Variants in CRYBG3 observed in about 807,000 individuals in gnomAD.
CRYBG3 encodes the protein crystallin beta-gamma domain containing 3.
A neutral mutation model predicts 244.2 loss-of-function variants in CRYBG3; 127 were observed. That is an observed-to-expected ratio of 0.52 (90% confidence interval 0.45 to 0.60). The LOEUF is 0.60. CRYBG3 is among the 20% of genes least tolerant of loss of function. CRYBG3 has a pLI of 0.00. For missense variants in CRYBG3, 3,325 were observed against 3,442.5 expected (o/e 0.97, Z 0.85); for synonymous variants, 1,132 against 1,195.8 (o/e 0.95, Z 1.10).
chr3:97,825,725 C>T (rs1383385410), intron 1 of CRYBG3, among the ~76,000 whole-genome samples: 1 of 152,054 alleles, frequency 6.6e-6, no homozygotes, highest in Non-Finnish European at 1.5e-5. Context: ...GATACCACTC[C>T]CAGTGGAGAG....
chr3:97,871,821 T>G (rs1411846329), intron 3 of CRYBG3, 21 bp from the exon 4 acceptor site: 27 of 1,448,396 alleles, frequency 1.9e-5, no homozygotes, highest in Non-Finnish European at 2.4e-5. Flanking sequence ...TTCCTGATAC[T>G]CTCATGCTTT....
At chr3:97,856,824 TATTA>T (rs2039072638) in intron 2 of CRYBG3, among the ~76,000 whole-genome samples, 1 of 152,132 alleles carries the variant, frequency 6.6e-6, no homozygotes, top group African/African-American at 2.4e-5. Flanking sequence ...ACTAATGGTT[TATTA>T]ATTTTGTTTT....
In CRYBG3 at chr3:97,877,639, G is replaced by A; in HGVS notation, c.6445G>A (p.Glu2149Lys). The change falls in exon 4 of 22, where the codon GAA becomes AAA. Residue 2149 changes from glutamate (E) to lysine (K), a missense_variant. Glu to Lys is a moderately conservative substitution (Grantham distance 56, BLOSUM62 1). Transcript: ENST00000389622. ...AGATGACAGAGAGGCAGCTGATGAG[G>A]AAGAAGAGGAGGAGGAGGCAGCAGT... ...DEDDREAADE[E>K]EEEEEAAVLH... 6.2e-7 allele frequency: 1 copy of A among 1,614,124 alleles called. No homozygotes were observed. The highest frequency in any genetic ancestry group is 2.2e-5 in the East Asian group (1 of 44,886).
chr3:97,907,996 T>C (rs1426483185), intron 15 of CRYBG3, among the ~76,000 whole-genome samples: 3 of 152,246 alleles, frequency 2.0e-5, no homozygotes, highest in South Asian at 2.1e-4. Flanking sequence ...GCCTTCATTT[T>C]GTTATGTACC....
intron 17 of CRYBG3, among the ~76,000 whole-genome samples, chr3:97,917,270 A>T (rs2039938711): frequency 6.6e-6 from 1 of 152,068 alleles, no homozygotes; most frequent in Admixed American, 6.6e-5. Context: ...GTAAGTTGTC[A>T]TGTGGAGTGG....
chr3:97,844,819 A>G (rs1452308018), intron 2 of CRYBG3, among the ~76,000 whole-genome samples: 1 of 152,154 alleles, frequency 6.6e-6, no homozygotes. Flanking sequence ...CATTCTTAAC[A>G]TCTAATTTTG....
At chr3:97,862,065 G>A (rs535449943) in intron 2 of CRYBG3, among the ~76,000 whole-genome samples, 1 of 149,698 alleles carries the variant, frequency 6.7e-6, no homozygotes, top group Non-Finnish European at 1.5e-5. Context: ...CAAAGAAGCA[G>A]ACAGTTAAGG....
chr3:97,889,849 G>A (rs1162975997), intron 10 of CRYBG3, among the ~76,000 whole-genome samples: 8 of 152,080 alleles, frequency 5.3e-5, no homozygotes, highest in South Asian at 2.1e-4. Flanking sequence ...GAAAAGTAGC[G>A]GCGAGGCAAT....
chr3:97,941,053 T>G, intron 19 of CRYBG3, 95 bp from the exon 20 acceptor site: 1 of 949,820 alleles, frequency 1.1e-6, no homozygotes, highest in Admixed American at 2.2e-5. Context: ...ACTAAGATAG[T>G]TACCTCTCAC....
chr3:97,864,679 A>G (rs990177203), intron 3 of CRYBG3, 32 bp downstream of exon 3: 46 of 1,461,700 alleles, frequency 3.1e-5, no homozygotes, highest in African/African-American at 4.3e-5. Context: ...ACCAAAAAAA[A>G]TTGAGCTTTT....
At chr3:97,852,910 T>TAA (rs1211105815) in intron 2 of CRYBG3, among the ~76,000 whole-genome samples, 1 of 152,208 alleles carries the variant, frequency 6.6e-6, no homozygotes, top group Non-Finnish European at 1.5e-5. Context: ...TTGAAGTGCA[T>TAA]TTCCTGGATA....
At chr3:97,841,260 G>T (rs908999452) in intron 1 of CRYBG3, among the ~76,000 whole-genome samples, 2 of 141,216 alleles carry the variant, frequency 1.4e-5, no homozygotes, top group African/African-American at 5.5e-5. Flanking sequence ...GTATATATGT[G>T]TATACACATA....
intron 3 of CRYBG3, among the ~76,000 whole-genome samples, chr3:97,870,445 ATGT>A (rs1316249549): frequency 6.6e-6 from 1 of 152,106 alleles, no homozygotes; most frequent in African/African-American, 2.4e-5. Flanking sequence ...CACTGCATTC[ATGT>A]TGTTGCAAAG....
chr3:97,853,632 G>A (rs183976999), intron 2 of CRYBG3, among the ~76,000 whole-genome samples: 332 of 152,190 alleles, frequency 2.2e-3, no homozygotes, highest in Non-Finnish European at 3.8e-3. Context: ...AGAAATCTCC[G>A]TACTATTTTC....
At chr3:97,924,394 C>G (rs928366091) in intron 17 of CRYBG3, 5 of 454,132 alleles carry the variant, frequency 1.1e-5, no homozygotes, top group Admixed American at 4.7e-5. Flanking sequence ...AGAAAAAGCA[C>G]AAATGAATAA....
chr3:97,928,532 G>A (rs376052102), intron 17 of CRYBG3, among the ~76,000 whole-genome samples: 1 of 151,646 alleles, frequency 6.6e-6, no homozygotes, highest in African/African-American at 2.4e-5. Context: ...TAACAACCCT[G>A]CATATATACC....
In CRYBG3 at chr3:97,899,152, G is replaced by A. The variant is rs6786434; in HGVS notation, c.7860G>A (p.Gln2620=). The part of the protein sequence containing the change: ...HVKSGVWVAY[Q]QKFFCGEQYI... The stretch of plus-strand genomic sequence containing the variant: ...TCCCTACTAGATGGGTTGCCTACCA[G>A]CAAAAGTTCTTCTGTGGAGAACAAT... Residue 2620 remains glutamine, a synonymous_variant, in exon 14 of 22, where the codon CAG becomes CAA. Coordinates refer to ENST00000389622, the MANE Select transcript of CRYBG3 (RefSeq NM_153605.4). 4 of 1,610,500 alleles carry A rather than the reference G, an allele frequency of 2.5e-6. No individual in the cohort carries two copies. Among genetic ancestry groups the A allele is most frequent in the South Asian group, 1.1e-5 (1 of 89,832 alleles).
intron 3 of CRYBG3, among the ~76,000 whole-genome samples, chr3:97,869,025 A>G (rs1264181574): frequency 1.3e-5 from 2 of 151,634 alleles, no homozygotes; most frequent in African/African-American, 2.4e-5. Context: ...AAAACCTGTC[A>G]TTTTTTCAGA....
intron 17 of CRYBG3, among the ~76,000 whole-genome samples, chr3:97,924,762 T>G (rs1425168872): frequency 2.6e-5 from 4 of 152,100 alleles, no homozygotes; most frequent in Non-Finnish European, 5.9e-5. Context: ...CTTACCTGAG[T>G]AATCTAGATG....
Sources: gnomAD v4.1 joint callset for allele counts (sites outside exome capture counted in the v4.1 genomes callset) on GRCh38, gnomAD v4.1.1 for gene constraint, MANE v1.5 for transcripts, NCBI Gene and HGNC (gene_info 2026-07-23, HGNC 2026-07-21) for gene names.